TGM3: variants seen among roughly 807,000 people sequenced by gnomAD.
The protein encoded by TGM3 is transglutaminase 3.
TGM3 carries 52 observed loss-of-function variants against 73.8 expected under a neutral mutation model. That is an observed-to-expected ratio of 0.70 (90% CI 0.56 to 0.89). The LOEUF (loss-of-function observed/expected upper bound fraction) is 0.89. Ranked by LOEUF, TGM3 falls within the 40% of genes least tolerant of loss-of-function variation. TGM3 has a pLI of 0.00. For missense variants in TGM3, 928 were observed against 909.9 expected, an observed-to-expected ratio of 1.02 and a Z score of -0.26; for synonymous variants, 372 against 354.9, an observed-to-expected ratio of 1.05 and a Z score of -0.54.
Position 2,312,901 on chromosome 20 carries a change from G to A in TGM3, c.544G>A (p.Glu182Lys). ...TGTATGGTCTCGTTCTGAACAGTTT[G>A]AAGAAGACATTCTCAGCATCTGCCT... ...GMIGWNFGQF[E>K]EDILSICLSI... Residue 182 changes from glutamate to lysine, a missense_variant, in exon 5 of 13, where the codon GAA becomes AAA. Transcript: ENST00000381458. The A allele has an allele frequency of 6.2e-7, 1 of 1,614,108 alleles. No homozygotes were observed.
chr20:2,330,804 G>C lies in TGM3; in HGVS notation c.1334-1198G>C, dbSNP rs192472676. Among the ~76,000 whole-genome samples, 68 of 152,142 alleles carry C rather than the reference G, an allele frequency of 4.5e-4. No homozygotes were observed. In the East Asian group the frequency reaches 9.3e-3, roughly 21 times the overall value. On this transcript the variant is annotated intron_variant, in intron 9 of 12. Coordinates refer to ENST00000381458, the MANE Select transcript of TGM3 (RefSeq NM_003245.4). ...GCAGATCACCTGAGGTCAGGAGTTT[G>C]AGACCAGCCTGGCCAACATGGTGAA...
chr20:2,310,641 C>T (rs1422428531), intron 3 of TGM3, among the ~76,000 whole-genome samples: 1 of 152,216 alleles, frequency 6.6e-6, no homozygotes, highest in Non-Finnish European at 1.5e-5. Flanking sequence ...ATTAAATGGA[C>T]ATCCTGCTGT....
At position 2,334,810 on chromosome 20, in the gene TGM3, G is replaced by A. The variant is rs1350298426; in HGVS notation, c.1643-306G>A. 6.6e-6 allele frequency among the ~76,000 whole-genome samples: 1 copy of A among 152,172 alleles called. No homozygotes were observed. Among genetic ancestry groups the A allele is most frequent in the Non-Finnish European group, 1.5e-5 (1 of 68,028 alleles). Reference sequence around the variant, plus strand: ...AATTTAAAAAATTTTAAAAAAAAAGGACACTTGCCCTCCAACATTTTTCGG... The same window carrying A: ...AATTTAAAAAATTTTAAAAAAAAAGAACACTTGCCCTCCAACATTTTTCGG... On this transcript the variant is annotated intron_variant, in intron 10 of 12. Coordinates refer to ENST00000381458, the MANE Select transcript of TGM3 (RefSeq NM_003245.4). This position sits in a 1 kb window ranked among gnomAD's most constrained non-coding sequence, Gnocchi z 4.0.
intron 7 of TGM3, among the ~76,000 whole-genome samples, chr20:2,319,081 C>A (rs1319115870): frequency 6.6e-6 from 1 of 152,206 alleles, no homozygotes; most frequent in African/African-American, 2.4e-5. Flanking sequence ...TGTGGCCAGA[C>A]TTTGTTTTCC....
At chr20:2,335,347 C>A in intron 11 of TGM3, 74 bp downstream of exon 11, 1 of 1,570,724 alleles carries the variant, frequency 6.4e-7, no homozygotes, top group Non-Finnish European at 8.7e-7. Context: ...CCCACTGTCC[C>A]TGTGAGCCAC....
rs76528811 is a variant in TGM3, at chr20:2,339,889, C to T, written c.1836C>T (p.Asn612=). Residue 612 remains asparagine (N), a synonymous_variant, in exon 12 of 13, where the codon AAC becomes AAT. Coordinates refer to ENST00000381458, the MANE Select transcript of TGM3 (RefSeq NM_003245.4). ...LNEARVRKPV[N]VQMLFSNPLD... ...AGGCTCGTGTGCGGAAGCCTGTGAACGTGCAGATGCTCTTCTCCAATCCAC... is the reference window on the plus strand; with the variant it reads ...AGGCTCGTGTGCGGAAGCCTGTGAATGTGCAGATGCTCTTCTCCAATCCAC... 1,535 of 1,614,142 alleles carry T rather than the reference C, an allele frequency of 9.5e-4. 16 individuals carry two copies. The highest frequency in any genetic ancestry group is 3.3e-4 in the Middle Eastern group (2 of 6,062).
chr20:2,303,455 G>T (rs888530375), intron 1 of TGM3, among the ~76,000 whole-genome samples: 1 of 152,064 alleles, frequency 6.6e-6, no homozygotes, highest in African/African-American at 2.4e-5. Context: ...TGATGAAAAA[G>T]CTCTGCCACT....
chr20:2,335,228 G>C lies in TGM3; in HGVS notation c.1755G>C (p.Val585=), dbSNP rs758500989. Reference sequence around the variant, plus strand: ...AGGTCCCAGATGAGTCTGAGGTGGTGGTGGAGCGGGACATCATCCTGGACA... The same window carrying C: ...AGGTCCCAGATGAGTCTGAGGTGGTCGTGGAGCGGGACATCATCCTGGACA... ...VCKVPDESEV[V]VERDIILDNP... Residue 585 remains valine, a synonymous_variant, in exon 11 of 13, where the codon GTG becomes GTC. Coordinates refer to ENST00000381458, the MANE Select transcript of TGM3 (RefSeq NM_003245.4). 1 of 1,614,222 alleles carries C rather than the reference G, an allele frequency of 6.2e-7. No individual in the cohort carries two copies. The highest frequency in any genetic ancestry group is 1.1e-5 in the South Asian group (1 of 91,086).
chr20:2,311,194 C>G (rs995981366), intron 4 of TGM3, 65 bp downstream of exon 4: 2 of 1,341,142 alleles, frequency 1.5e-6, no homozygotes, highest in Middle Eastern at 1.9e-4. Context: ...GCAGCTTGCC[C>G]CACAGATCAA....
intron 12 of TGM3, 46 bp downstream of exon 12, chr20:2,340,033 C>CGGGGGGGG: frequency 3.1e-5 from 6 of 196,588 alleles, no homozygotes; most frequent in East Asian, 1.6e-4. Context: ...CGGGAGGGGG[C>CGGGGGGGG]GGGGGGGCCC....
At chr20:2,312,600 T>C (rs1168481851) in intron 4 of TGM3, among the ~76,000 whole-genome samples, 2 of 152,142 alleles carry the variant, frequency 1.3e-5, no homozygotes, top group Admixed American at 6.5e-5. Context: ...CAAGGTCTTA[T>C]GCTTTTTTAT....
chr20:2,330,539 C>T (rs1210840852), intron 9 of TGM3, among the ~76,000 whole-genome samples: 2 of 152,254 alleles, frequency 1.3e-5, no homozygotes, highest in East Asian at 3.8e-4. Context: ...AGGGAACTGG[C>T]CCCCTCTCTG....
At chr20:2,304,356 C>T (rs561731386) in intron 1 of TGM3, among the ~76,000 whole-genome samples, 6 of 152,190 alleles carry the variant, frequency 3.9e-5, no homozygotes, top group African/African-American at 9.7e-5. Context: ...TTGATGAGCA[C>T]GCTCTCAGCT....
rs895193235 is a variant in TGM3, at chr20:2,332,111, C to G, written c.1443C>G (p.Pro481=). The change falls in exon 10 of 13, where the codon CCC becomes CCG. Residue 481 remains proline (P), a synonymous_variant. Transcript: ENST00000381458. The surrounding 1 kb of genome is among the most constrained non-coding windows in gnomAD (Gnocchi z 4.4). ...GTTTGGAAACAGAGGAACAGGAGCC[C>G]AGCATCATCGGGAAGCTGAAGGTCG... The part of the protein sequence containing the change: ...SMGLETEEQE[P]SIIGKLKVAG... The G allele has an allele frequency of 1.7e-5, 27 of 1,614,076 alleles. No individual in the cohort carries two copies. In the Admixed American group the frequency reaches 3.3e-4, roughly 20 times the overall value.
Position 2,332,082 on chromosome 20 carries a change from A to G in TGM3, c.1414A>G (p.Met472Val). Reference protein sequence around the residue: ...PNTPFAATSSMGLETEEQEPS... With the variant: ...PNTPFAATSSVGLETEEQEPS... Reference sequence around the variant, plus strand: ...CACGCCATTTGCCGCGACGTCTTCAATGGGTTTGGAAACAGAGGAACAGGA... The same window carrying G: ...CACGCCATTTGCCGCGACGTCTTCAGTGGGTTTGGAAACAGAGGAACAGGA... The change falls in exon 10 of 13, where the codon ATG (methionine) becomes GTG (valine). Residue 472 changes from methionine to valine, a missense_variant. By Grantham distance (21) the Met-to-Val change is conservative. Coordinates refer to ENST00000381458, the MANE Select transcript of TGM3 (RefSeq NM_003245.4). The surrounding 1 kb of genome is among the most constrained non-coding windows in gnomAD (Gnocchi z 4.4). 6.2e-7 allele frequency: 1 copy of G among 1,614,228 alleles called. No homozygotes were observed. Among genetic ancestry groups the G allele is most frequent in the Non-Finnish European group, 8.5e-7 (1 of 1,180,038 alleles).
intron 5 of TGM3, among the ~76,000 whole-genome samples, chr20:2,316,613 TA>T (rs1568626538): frequency 1.4e-5 from 2 of 143,788 alleles, no homozygotes; most frequent in African/African-American, 5.5e-5. Context: ...TAAAAATAAA[TA>T]AAATAAATAA....
rs2084200642 is a variant in TGM3, at chr20:2,311,024, T to C, written c.435T>C (p.Phe145=). The C allele has an allele frequency of 3.7e-6, 6 of 1,613,886 alleles. No individual in the cohort carries two copies. Among genetic ancestry groups the C allele is most frequent in the Non-Finnish European group, 5.1e-6 (6 of 1,179,876 alleles). Residue 145 remains phenylalanine, a synonymous_variant, in exon 4 of 13, where the codon TTT becomes TTC. Coordinates refer to ENST00000381458, the MANE Select transcript of TGM3 (RefSeq NM_003245.4). ...TGTATCAAATAGTGGATAGCGTCTT[T>C]ATGGGTAACCACGCTGAGAGAGAAG... The part of the protein sequence containing the change: ...FNPWLNVDSV[F]MGNHAEREEY...
At chr20:2,306,038 G>A (rs1381904540) in intron 1 of TGM3, among the ~76,000 whole-genome samples, 1 of 152,178 alleles carries the variant, frequency 6.6e-6, no homozygotes, top group Admixed American at 6.5e-5. Context: ...GCACCCTGGA[G>A]CTCAGTTTTT....
chr20:2,339,843 C>G lies in TGM3; in HGVS notation c.1801-11C>G. The stretch of plus-strand genomic sequence containing the variant: ...CTGGAGTCCTGACTCGGCAGCCCCT[C>G]TCCCCCATAGGTGCTGAACGAGGCT... On this transcript the variant is annotated splice_polypyrimidine_tract_variant and intron_variant, in intron 11 of 12. Transcript: ENST00000381458. 1 of 1,613,888 alleles carries G rather than the reference C, an allele frequency of 6.2e-7. No homozygotes were observed. Among genetic ancestry groups the G allele is most frequent in the Non-Finnish European group, 8.5e-7 (1 of 1,179,990 alleles).
Sources: allele counts gnomAD v4.1 joint callset (sites outside exome capture counted in the v4.1 genomes callset), GRCh38; gene constraint gnomAD v4.1.1; non-coding constraint Gnocchi (gnomAD v3.1); transcripts MANE v1.5; gene names NCBI Gene and HGNC (gene_info 2026-07-23, HGNC 2026-07-21).